The following ZNF600 variants were observed in gnomAD, a reference collection of about 807,000 sequenced individuals.
The protein encoded by ZNF600 is zinc finger protein KR-ZNF1.
Under a neutral mutation model 7.3 loss-of-function variants are expected in ZNF600, and 4 were observed. The observed-to-expected ratio is 0.55, with a 90% CI of 0.27 to 1.25. The LOEUF is 1.25. Ranked by LOEUF, ZNF600 falls within the 50% of genes most tolerant of loss-of-function variation. ZNF600 has a pLI of 0.12. For synonymous variants in ZNF600, 290 were observed against 308.9 expected, an observed-to-expected ratio of 0.94 and a Z score of 0.64; for missense variants, 911 against 922.1, an observed-to-expected ratio of 0.99 and a Z score of 0.16.
At chr19:52,793,612 C>T in the ZNF600 span, among the ~76,000 whole-genome samples, 3 of 152,088 alleles carry the variant, frequency 2.0e-5, no homozygotes, top group Non-Finnish European at 4.4e-5. Context: ...ACATTTTTCT[C>T]CCACAACCCA....
At chr19:52,811,066 T>A in the ZNF600 span, among the ~76,000 whole-genome samples, 6 of 150,418 alleles carry the variant, frequency 4.0e-5, no homozygotes, top group East Asian at 3.9e-4. Flanking sequence ...GTTTTCGTTT[T>A]TTTTTTTGGT....
chr19:52,803,220 G>A, the ZNF600 span, among the ~76,000 whole-genome samples: 143 of 152,162 alleles, frequency 9.4e-4, no homozygotes, highest in African/African-American at 3.3e-3. Context: ...GGGAATGCAG[G>A]CACATGCCAC....
exon 4 of ZNF600, chr19:52,766,207 G>T: frequency 6.2e-7 from 1 of 1,613,154 alleles, no homozygotes; most frequent in Non-Finnish European, 8.5e-7. Flanking sequence ...TGAACTCTGC[G>T]ATGGCTTGCA....
exon 4 of ZNF600, chr19:52,766,274 T>A (rs1456232562): frequency 2.5e-6 from 4 of 1,613,892 alleles, no homozygotes; most frequent in African/African-American, 1.3e-5. Flanking sequence ...AAGGTTTCTC[T>A]CCACTATGAA....
the ZNF600 span, among the ~76,000 whole-genome samples, chr19:52,797,084 T>G: frequency 6.6e-6 from 1 of 152,214 alleles, no homozygotes; most frequent in East Asian, 1.9e-4. Flanking sequence ...GTTCAACATA[T>G]TCAAGCAAAT....
chr19:52,813,328 T>C, the ZNF600 span, among the ~76,000 whole-genome samples: 1 of 146,014 alleles, frequency 6.8e-6, no homozygotes, highest in African/African-American at 2.5e-5. Context: ...GGACCTGTTT[T>C]GGGGAGCAGG....
the ZNF600 span, among the ~76,000 whole-genome samples, chr19:52,829,149 C>T: frequency 6.6e-6 from 1 of 150,902 alleles, no homozygotes; most frequent in Non-Finnish European, 1.5e-5. Context: ...CAGGCGTGAG[C>T]CACCTCACTC....
upstream of ZNF600, among the ~76,000 whole-genome samples, chr19:52,787,585 G>A (rs1372737864): frequency 1.3e-5 from 2 of 150,918 alleles, no homozygotes; most frequent in Non-Finnish European, 3.0e-5. Context: ...AAGACCGGGC[G>A]CGCTGGCTCA....
At chr19:52,800,669 G>A in the ZNF600 span, 11 of 1,613,082 alleles carry the variant, frequency 6.8e-6, no homozygotes, top group Admixed American at 8.3e-5. Flanking sequence ...ATTTGCGACT[G>A]AAAACTTTTT....
At chr19:52,824,995 G>T in the ZNF600 span, among the ~76,000 whole-genome samples, 1 of 152,262 alleles carries the variant, frequency 6.6e-6, no homozygotes, top group South Asian at 2.1e-4. Context: ...TACTTGGGAG[G>T]CTGAGATGGG....
intron 1 of ZNF600, among the ~76,000 whole-genome samples, chr19:52,784,208 C>T (rs2147580824): frequency 6.6e-6 from 1 of 151,912 alleles, no homozygotes; most frequent in Non-Finnish European, 1.5e-5. Flanking sequence ...GGGAAACATA[C>T]TGAAACCCTG....
At chr19:52,784,215 C>G (rs1224638502) in intron 1 of ZNF600, among the ~76,000 whole-genome samples, 1 of 151,212 alleles carries the variant, frequency 6.6e-6, no homozygotes, top group African/African-American at 2.4e-5. Context: ...ATACTGAAAC[C>G]CTGTTTCTAC....
chr19:52,809,651 CAAA>C, the ZNF600 span, among the ~76,000 whole-genome samples: 1 of 152,106 alleles, frequency 6.6e-6, no homozygotes, highest in East Asian at 1.9e-4. Context: ...ACTAAAAATA[CAAA>C]AAATAGCCAG....
chr19:52,824,113 C>T, the ZNF600 span, among the ~76,000 whole-genome samples: 7 of 151,228 alleles, frequency 4.6e-5, no homozygotes, highest in Admixed American at 1.3e-4. Context: ...TAAATATGGC[C>T]GGCGCAGTGG....
At chr19:52,801,222 A>G in the ZNF600 span, 1 of 1,614,190 alleles carries the variant, frequency 6.2e-7, no homozygotes, top group South Asian at 1.1e-5. Flanking sequence ...TCTCATGTGT[A>G]CATTCCGTTT....
chr19:52,800,358 T>G, the ZNF600 span: 8 of 1,614,012 alleles, frequency 5.0e-6, no homozygotes, highest in Non-Finnish European at 6.8e-6. Flanking sequence ...AACCTTACAT[T>G]TGTATGGTTT....
the ZNF600 span, chr19:52,809,965 G>T: frequency 2.5e-6 from 2 of 790,858 alleles, no homozygotes; most frequent in Non-Finnish European, 4.4e-6. Flanking sequence ...GGGGACGATG[G>T]GAACGGCCTG....
At chr19:52,779,443 C>G (rs1262140470) in intron 1 of ZNF600, among the ~76,000 whole-genome samples, 2 of 152,290 alleles carry the variant, frequency 1.3e-5, no homozygotes, top group East Asian at 3.9e-4. Flanking sequence ...TCAGAGGGGG[C>G]GAGCCCAGCA....
intron 2 of ZNF600, among the ~76,000 whole-genome samples, chr19:52,776,116 A>C (rs2062673366): frequency 7.2e-6 from 1 of 139,634 alleles, no homozygotes; most frequent in Admixed American, 7.1e-5. Flanking sequence ...TAAGCCATAA[A>C]ATAACATACT....
Sources: gnomAD v4.1 joint callset for allele counts (sites outside exome capture counted in the v4.1 genomes callset) on GRCh38, gnomAD v4.1.1 for gene constraint, MANE v1.5 for transcripts, NCBI Gene and HGNC (gene_info 2026-07-23, HGNC 2026-07-21) for gene names.